The following CSMD1 variants were observed in gnomAD, a reference collection of about 807,000 sequenced individuals.
CSMD1 encodes the protein CUB and sushi domain-containing protein 1.
Under a neutral mutation model 417.5 loss-of-function variants are expected in CSMD1, and 213 were observed. The observed-to-expected ratio is 0.51, with a 90% CI of 0.46 to 0.57. The LOEUF (loss-of-function observed/expected upper bound fraction) is 0.57. Ranked by LOEUF, CSMD1 falls within the 20% of genes least tolerant of loss-of-function variation. The pLI is 0.00. For missense variants in CSMD1, 6,923 were observed against 4,529.7 expected (o/e 1.53, Z -15.17); for synonymous variants, 2,862 against 1,736.8 (o/e 1.65, Z -16.11).
chr8:3,408,639 C>G (rs138587780), intron 13 of CSMD1, among the ~76,000 whole-genome samples: 4 of 152,058 alleles, frequency 2.6e-5, no homozygotes, highest in Non-Finnish European at 5.9e-5. Context: ...TTTATACTTT[C>G]CTGTGAGTGC....
At chr8:2,950,968 A>T (rs1585041344) in intron 66 of CSMD1, 146 bp downstream of exon 66, 1 of 666,548 alleles carries the variant, frequency 1.5e-6, no homozygotes, top group Non-Finnish European at 2.3e-6. Flanking sequence ...TCTCACGGCT[A>T]GGGAGAGGCT....
chr8:3,488,254 C>A (rs1818173277), intron 11 of CSMD1, among the ~76,000 whole-genome samples: 1 of 152,004 alleles, frequency 6.6e-6, no homozygotes, highest in African/African-American at 2.4e-5. Context: ...AGGCATGCAC[C>A]ACCACACCCG....
At chr8:4,726,312 C>G (rs558775861) in intron 1 of CSMD1, among the ~76,000 whole-genome samples, 4 of 147,028 alleles carry the variant, frequency 2.7e-5, no homozygotes, top group Non-Finnish European at 6.0e-5. Context: ...GTAGCGGGTT[C>G]TTTAAAAAAA....
chr8:3,010,936 C>T (rs745952357), intron 52 of CSMD1, among the ~76,000 whole-genome samples: 158 of 151,992 alleles, frequency 1.0e-3, no homozygotes, highest in African/African-American at 3.6e-3. Context: ...CTATGTTGGC[C>T]AGGCTGGTCT....
At chr8:3,364,477 G>T (rs539989157) in intron 20 of CSMD1, among the ~76,000 whole-genome samples, 2 of 152,260 alleles carry the variant, frequency 1.3e-5, no homozygotes, top group African/African-American at 4.8e-5. Context: ...ATTGTTGTTG[G>T]CTTGCTTGTT....
rs901290411 is a variant in CSMD1, at chr8:4,963,452, G to A, written c.85+30880C>T. Among the ~76,000 whole-genome samples, 13 of 152,086 alleles carry A rather than the reference G, an allele frequency of 8.5e-5. No homozygotes were observed. The East Asian group carries it at 2.3e-3, about 27-fold the overall frequency. Reference sequence around the variant, plus strand: ...TGACCTCAAGCAATCCACCCACCTCGACCTCCCAAAGTGCTGGGATTACAG... The same window carrying A: ...TGACCTCAAGCAATCCACCCACCTCAACCTCCCAAAGTGCTGGGATTACAG... On this transcript the variant is annotated intron_variant, in intron 1 of 69. Coordinates refer to ENST00000635120, the MANE Select transcript of CSMD1 (RefSeq NM_033225.6).
chr8:2,979,303 C>T (rs75696029), intron 54 of CSMD1, among the ~76,000 whole-genome samples: 5,600 of 152,302 alleles, frequency 0.037, 333 homozygotes, highest in African/African-American at 0.13. Context: ...ATTATTCCAT[C>T]AACACCTAAC....
At chr8:3,946,179 G>C (rs952909941) in intron 5 of CSMD1, among the ~76,000 whole-genome samples, 3 of 152,046 alleles carry the variant, frequency 2.0e-5, no homozygotes, top group African/African-American at 7.2e-5. Flanking sequence ...TTATTACAAA[G>C]AATAAATCTC....
chr8:3,646,611 C>A (rs923138726), intron 7 of CSMD1, among the ~76,000 whole-genome samples: 1 of 152,172 alleles, frequency 6.6e-6, no homozygotes, highest in Non-Finnish European at 1.5e-5. Flanking sequence ...GTCAGGGAAC[C>A]ACTAAAAATG....
intron 5 of CSMD1, 47 bp from the exon 6 acceptor site, chr8:3,754,089 G>A (rs1312986038): frequency 1.2e-5 from 16 of 1,284,814 alleles, no homozygotes; most frequent in East Asian, 2.3e-5. Context: ...AACCAACAGA[G>A]CAAATGTCCT....
chr8:4,056,036 T>C (rs1043965250), intron 3 of CSMD1, among the ~76,000 whole-genome samples: 6 of 151,590 alleles, frequency 4.0e-5, no homozygotes, highest in South Asian at 2.1e-4. Context: ...CCTGGGAAAA[T>C]TGAACTCAAC....
intron 4 of CSMD1, among the ~76,000 whole-genome samples, chr8:4,020,140 T>G (rs1194631746): frequency 1.3e-5 from 2 of 152,160 alleles, no homozygotes; most frequent in Admixed American, 6.5e-5. Flanking sequence ...CCATTTTACC[T>G]GGGTTATGCC....
chr8:4,045,102 A>G (rs1798082330), intron 3 of CSMD1, among the ~76,000 whole-genome samples: 1 of 152,142 alleles, frequency 6.6e-6, no homozygotes. Context: ...GGGCACAGGG[A>G]GACACTGAAC....
At chr8:3,697,107 G>C (rs1430662602) in intron 7 of CSMD1, among the ~76,000 whole-genome samples, 1 of 152,076 alleles carries the variant, frequency 6.6e-6, no homozygotes, top group African/African-American at 2.4e-5. Flanking sequence ...ATATTGCTAG[G>C]TCATCAATAA....
chr8:3,383,978 C>A (rs935528829), intron 18 of CSMD1, among the ~76,000 whole-genome samples: 3 of 152,122 alleles, frequency 2.0e-5, no homozygotes, highest in African/African-American at 7.2e-5. Context: ...CAAACAGGAC[C>A]TTCCCTGGAT....
chr8:3,778,537 T>A (rs1584984318), intron 5 of CSMD1, among the ~76,000 whole-genome samples: 2 of 152,346 alleles, frequency 1.3e-5, no homozygotes, highest in South Asian at 4.1e-4. Context: ...CCCGTGTGCC[T>A]GTGCACGCTC....
chr8:3,934,705 T>G (rs865813074), intron 5 of CSMD1, among the ~76,000 whole-genome samples: 1 of 151,754 alleles, frequency 6.6e-6, no homozygotes, highest in African/African-American at 2.4e-5. Context: ...CATGCAAAAA[T>G]TTAGCCGGGC....
intron 5 of CSMD1, among the ~76,000 whole-genome samples, chr8:3,871,590 G>C (rs1219426397): frequency 6.6e-6 from 1 of 151,880 alleles, no homozygotes; most frequent in African/African-American, 2.4e-5. Flanking sequence ...TATATATTAG[G>C]AATATTAGTC....
chr8:4,402,987 T>C (rs1409827687), intron 3 of CSMD1, among the ~76,000 whole-genome samples: 1 of 151,664 alleles, frequency 6.6e-6, no homozygotes, highest in Non-Finnish European at 1.5e-5. Flanking sequence ...GCCTGGCTAA[T>C]TTTCTTTTGT....
Sources: allele counts gnomAD v4.1 joint callset (sites outside exome capture counted in the v4.1 genomes callset), GRCh38; gene constraint gnomAD v4.1.1; transcripts MANE v1.5; gene names NCBI Gene and HGNC (gene_info 2026-07-23, HGNC 2026-07-21).